Variants in EPC2 observed in about 807,000 individuals in gnomAD.
EPC2 encodes enhancer of polycomb 2, also known as enhancer of polycomb homolog 2.
In EPC2, 14 loss-of-function variants were observed where a neutral mutation model predicts 92.1. That is an observed-to-expected ratio of 0.15 (90% CI 0.10 to 0.24). The LOEUF (loss-of-function observed/expected upper bound fraction) is 0.24, where lower values mean the gene tolerates loss of function less well. Among genes scored for constraint, EPC2 ranks in the 10% least tolerant of loss-of-function variants. The pLI, the probability that EPC2 is intolerant of heterozygous loss-of-function variation, is 1.00. For missense variants in EPC2, 755 were observed against 971.5 expected, an observed-to-expected ratio of 0.78 and a Z score of 2.96; for synonymous variants, 340 against 334.7, an observed-to-expected ratio of 1.02 and a Z score of -0.17.
intron 2 of EPC2, among the ~76,000 whole-genome samples, chr2:148,715,180 C>T (rs1232680174): frequency 6.6e-6 from 1 of 151,930 alleles, no homozygotes. Context: ...ACTACAGGCA[C>T]GTGCCACCGC....
At chr2:148,711,468 T>A (rs576825653) in intron 2 of EPC2, among the ~76,000 whole-genome samples, 1 of 152,214 alleles carries the variant, frequency 6.6e-6, no homozygotes, top group Non-Finnish European at 1.5e-5. Context: ...ATTTCTACTC[T>A]CATAAAATTT....
At chr2:148,720,004 A>G (rs897555702) in intron 2 of EPC2, among the ~76,000 whole-genome samples, 1 of 152,204 alleles carries the variant, frequency 6.6e-6, no homozygotes, top group Non-Finnish European at 1.5e-5. Context: ...TTACAGAATC[A>G]GTCTGGCCAT....
intron 1 of EPC2, among the ~76,000 whole-genome samples, chr2:148,646,069 CAGAG>C (rs544638257): frequency 3.9e-5 from 6 of 152,306 alleles, no homozygotes; most frequent in Non-Finnish European, 7.4e-5. Flanking sequence ...TCTGGCTTGA[CAGAG>C]AGTGTTTATG....
At chr2:148,764,489 G>C (rs532461012) in intron 6 of EPC2, among the ~76,000 whole-genome samples, 30 of 152,086 alleles carry the variant, frequency 2.0e-4, no homozygotes, top group African/African-American at 7.2e-4. Context: ...TTTTTTCCTA[G>C]TTAAGCTTAT....
intron 3 of EPC2, among the ~76,000 whole-genome samples, chr2:148,753,726 C>G (rs1393991420): frequency 6.6e-6 from 1 of 152,162 alleles, no homozygotes; most frequent in South Asian, 2.1e-4. Flanking sequence ...CACTGTCTCT[C>G]AGGGAAAATT....
intron 2 of EPC2, chr2:148,691,839 T>C (rs1180666590): frequency 6.2e-6 from 4 of 648,548 alleles, no homozygotes; most frequent in South Asian, 4.5e-5. Flanking sequence ...TTTATTTCTT[T>C]AATCTTACAC....
intron 6 of EPC2, among the ~76,000 whole-genome samples, chr2:148,763,305 G>C (rs983866153): frequency 6.6e-5 from 10 of 151,842 alleles, no homozygotes; most frequent in African/African-American, 2.4e-4. Context: ...GTAATTTCTG[G>C]GTCACAGTTT....
chr2:148,661,388 T>C (rs1236487926), intron 1 of EPC2, among the ~76,000 whole-genome samples: 1 of 152,156 alleles, frequency 6.6e-6, no homozygotes, highest in Admixed American at 6.5e-5. Flanking sequence ...CCTGCAACTT[T>C]ATTAAATTGT....
intron 10 of EPC2, among the ~76,000 whole-genome samples, chr2:148,775,803 A>G (rs1393392488): frequency 1.5e-4 from 14 of 96,102 alleles, no homozygotes; most frequent in Non-Finnish European, 9.6e-5. Flanking sequence ...TTTGAGATGG[A>G]GTCTCACTCT....
chr2:148,654,483 C>T (rs1000769343), intron 1 of EPC2, among the ~76,000 whole-genome samples: 1 of 152,074 alleles, frequency 6.6e-6, no homozygotes, highest in African/African-American at 2.4e-5. Context: ...CATAGTATGG[C>T]TTCGTGTCTA....
chr2:148,693,390 G>A (rs1454836106), intron 2 of EPC2, among the ~76,000 whole-genome samples: 2 of 152,028 alleles, frequency 1.3e-5, no homozygotes, highest in African/African-American at 4.8e-5. Flanking sequence ...ATCATCCACT[G>A]CCACTGTTGT....
At chr2:148,766,277 C>T (rs1019003837) in intron 7 of EPC2, among the ~76,000 whole-genome samples, 1 of 152,214 alleles carries the variant, frequency 6.6e-6, no homozygotes, top group African/African-American at 2.4e-5. Flanking sequence ...GTTTATAAAA[C>T]TCTTCATTGC....
At chr2:148,719,165 A>G (rs1361675573) in intron 2 of EPC2, among the ~76,000 whole-genome samples, 5 of 152,144 alleles carry the variant, frequency 3.3e-5, no homozygotes, top group Admixed American at 2.0e-4. Flanking sequence ...ATACTTAGCT[A>G]CTTTGCATTG....
chr2:148,653,229 T>A (rs1278990946), intron 1 of EPC2, among the ~76,000 whole-genome samples: 1 of 152,224 alleles, frequency 6.6e-6, no homozygotes, highest in African/African-American at 2.4e-5. Context: ...TGCTGGTCAC[T>A]TGGATTGAGT....
intron 11 of EPC2, among the ~76,000 whole-genome samples, chr2:148,783,264 A>G (rs1483719611): frequency 2.6e-5 from 4 of 152,242 alleles, no homozygotes; most frequent in Non-Finnish European, 5.9e-5. Flanking sequence ...AAAAATGTCT[A>G]TTAATCATCT....
At chr2:148,683,559 C>T (rs1681454939) in intron 1 of EPC2, among the ~76,000 whole-genome samples, 1 of 152,188 alleles carries the variant, frequency 6.6e-6, no homozygotes, top group Non-Finnish European at 1.5e-5. Flanking sequence ...AGCCACCACA[C>T]CTGGCCCATT....
intron 1 of EPC2, among the ~76,000 whole-genome samples, chr2:148,661,852 C>G (rs192366477): frequency 6.6e-6 from 1 of 152,054 alleles, no homozygotes; most frequent in Non-Finnish European, 1.5e-5. Flanking sequence ...TAGTATAATA[C>G]TGAACCATAC....
intron 2 of EPC2, among the ~76,000 whole-genome samples, chr2:148,706,784 G>A (rs574491526): frequency 1.3e-4 from 20 of 152,234 alleles, no homozygotes; most frequent in African/African-American, 4.8e-4. Flanking sequence ...ATCATTTATA[G>A]ACAAACAAAT....
chr2:148,704,323 A>G (rs1011198458), intron 2 of EPC2, among the ~76,000 whole-genome samples: 3 of 152,208 alleles, frequency 2.0e-5, no homozygotes, highest in African/African-American at 7.2e-5. Flanking sequence ...AATCATAGAG[A>G]CAGACAGTAG....
Sources: gnomAD v4.1 joint callset for allele counts (sites outside exome capture counted in the v4.1 genomes callset) on GRCh38, gnomAD v4.1.1 for gene constraint, MANE v1.5 for transcripts, NCBI Gene and HGNC (gene_info 2026-07-23, HGNC 2026-07-21) for gene names.